The following DNAH2 variants were observed in gnomAD, a reference collection of about 807,000 sequenced individuals.
DNAH2 encodes axonemal beta dynein heavy chain 2.
A neutral mutation model predicts 523.5 loss-of-function variants in DNAH2; 323 were observed. That is an observed-to-expected ratio of 0.62 (90% CI 0.56 to 0.68). The LOEUF (loss-of-function observed/expected upper bound fraction) is 0.68. Among genes scored for constraint, DNAH2 ranks in the 30% least tolerant of loss-of-function variants. The pLI is 0.00. For synonymous variants in DNAH2, 2,093 were observed against 2,177.4 expected, an observed-to-expected ratio of 0.96 and a Z score of 1.08; for missense variants, 4,907 against 5,701.5, an observed-to-expected ratio of 0.86 and a Z score of 4.49.
chr17:7,815,335 C>T (rs565074907), intron 63 of DNAH2, among the ~76,000 whole-genome samples: 3 of 152,244 alleles, frequency 2.0e-5, no homozygotes, highest in Admixed American at 1.3e-4. Context: ...ACTATTTCCA[C>T]GATGTGGGCT....
chr17:7,798,484 A>G lies in DNAH2; in HGVS notation c.8399-74A>G. On this transcript the variant is annotated intron_variant, in intron 54 of 85. Transcript: ENST00000572933. The surrounding 1 kb of genome is among the most constrained non-coding windows in gnomAD (Gnocchi z 5.5). ...ATGCTGCGGGGCGGGGAGGGTTCCT[A>G]AATCTCAGAAAAGGAATCAAGCCCA... 6.3e-7 allele frequency: 1 copy of G among 1,586,746 alleles called. No homozygotes were observed. Among genetic ancestry groups the G allele is most frequent in the East Asian group, 2.2e-5 (1 of 44,582 alleles).
At chr17:7,744,803 T>C (rs2075467108) in intron 12 of DNAH2, among the ~76,000 whole-genome samples, 1 of 152,090 alleles carries the variant, frequency 6.6e-6, no homozygotes, top group Non-Finnish European at 1.5e-5. Flanking sequence ...ATAATGGGGT[T>C]GAACCTGCAA....
Position 7,780,327 on chromosome 17 carries a change from T to C in DNAH2, c.5850+43T>C, listed in dbSNP as rs374879388. The C allele has an allele frequency of 1.2e-6, 2 of 1,613,234 alleles. No homozygotes were observed. The highest frequency in any genetic ancestry group is 2.7e-5 in the African/African-American group (2 of 74,856). On this transcript the variant is annotated intron_variant, in intron 37 of 85. Transcript: ENST00000572933. The surrounding 1 kb of genome is among the most constrained non-coding windows in gnomAD (Gnocchi z 4.4). ...TTTCTCCAGTGATTTTAATTTCCTT[T>C]CATAATTATTCCCTGGACAGAGGAG...
chr17:7,833,363 C>G lies in DNAH2; in HGVS notation c.13130-16C>G. The G allele has an allele frequency of 4.3e-6, 7 of 1,613,278 alleles. No homozygotes were observed. The South Asian group carries it at 6.6e-5, about 15-fold the overall frequency. On this transcript the variant is annotated splice_polypyrimidine_tract_variant and intron_variant, in intron 85 of 85. Coordinates refer to ENST00000572933, the MANE Select transcript of DNAH2 (RefSeq NM_020877.5). ...GGAGGCTCCAGGGGTCTGACTTCTC[C>G]TCTCCTTTCCCCCAGGCATGTACTC... is the stretch of plus-strand genomic sequence containing the variant.
chr17:7,806,453 C>T (rs185875284), intron 61 of DNAH2, among the ~76,000 whole-genome samples: 2 of 151,718 alleles, frequency 1.3e-5, no homozygotes, highest in South Asian at 2.1e-4. Flanking sequence ...GTCAGGAGAT[C>T]GAGACCATCC....
intron 3 of DNAH2, among the ~76,000 whole-genome samples, chr17:7,726,900 ATCTG>A (rs2074830015): frequency 6.6e-6 from 1 of 151,962 alleles, no homozygotes; most frequent in African/African-American, 2.4e-5. Flanking sequence ...TTCCTCTGTG[ATCTG>A]TTTGTTTGTT....
rs1391464572 is a variant in DNAH2 at position 7,739,870 on chromosome 17, C to A, written c.1308C>A (p.His436Gln). 6.2e-7 allele frequency: 1 copy of A among 1,614,050 alleles called. No homozygotes were observed. The highest frequency in any genetic ancestry group is 2.2e-5 in the East Asian group (1 of 44,882). ...EIEDIFHKNL[H>Q]TLRAVRGGIL... ...AGGACATCTTTCATAAAAATCTGCACACGCTGCGAGCCGTTCGCGGGGGTA... is the reference window on the plus strand; with the variant it reads ...AGGACATCTTTCATAAAAATCTGCAAACGCTGCGAGCCGTTCGCGGGGGTA... The change falls in exon 9 of 86, where the codon CAC (histidine) becomes CAA (glutamine). Residue 436 changes from histidine to glutamine, a missense_variant. Around this residue, in one of 3 missense-constraint regions of DNAH2, gnomAD observed 2,806 missense variants for 3,190.8 expected, o/e 0.88. Transcript: ENST00000572933.
chr17:7,786,825 C>G lies in DNAH2; in HGVS notation c.6467-72C>G. 1 of 1,608,378 alleles carries G rather than the reference C, an allele frequency of 6.2e-7. No individual in the cohort carries two copies. Among genetic ancestry groups the G allele is most frequent in the Non-Finnish European group, 8.5e-7 (1 of 1,175,964 alleles). ...AGTACAAGGGAGTGTAGGCTTGTGT[C>G]TCCGAGGAGCGTGAGCGGAGGGTGC... On this transcript the variant is annotated intron_variant, in intron 41 of 85. Transcript: ENST00000572933. This position sits in a 1 kb window ranked among gnomAD's most constrained non-coding sequence, Gnocchi z 7.5.
At chr17:7,825,568 T>G (rs1002776165) in intron 77 of DNAH2, among the ~76,000 whole-genome samples, 1 of 152,240 alleles carries the variant, frequency 6.6e-6, no homozygotes, top group South Asian at 2.1e-4. Context: ...CTTCGGTGTT[T>G]CTTTTTCCTC....
intron 56 of DNAH2, among the ~76,000 whole-genome samples, chr17:7,800,778 A>G (rs1419398022): frequency 6.7e-6 from 1 of 149,640 alleles, no homozygotes; most frequent in Non-Finnish European, 1.5e-5. Context: ...GAGGCAGGAG[A>G]ATGGCGTGAA....
At chr17:7,741,812 C>T (rs753931889) in intron 11 of DNAH2, among the ~76,000 whole-genome samples, 13 of 151,488 alleles carry the variant, frequency 8.6e-5, no homozygotes, top group Non-Finnish European at 1.5e-4. Flanking sequence ...TACAGGCATG[C>T]ACCACCACGC....
rs1405285605 is a variant in DNAH2, at chr17:7,760,295, A to G, written c.2785+357A>G. Among the ~76,000 whole-genome samples, 2 of 151,030 alleles carry G rather than the reference A, an allele frequency of 1.3e-5. No individual in the cohort carries two copies. The highest frequency in any genetic ancestry group is 2.4e-5 in the African/African-American group (1 of 41,032). On this transcript the variant is annotated intron_variant, in intron 17 of 85. Transcript: ENST00000572933. This position sits in a 1 kb window ranked among gnomAD's most constrained non-coding sequence, Gnocchi z 4.0. ...AGGCAAAGAATCACCCCGGAGGCGG[A>G]GGTTGCAGTGAGCGGAGATCATGCC...
intron 59 of DNAH2, 134 bp downstream of exon 59, chr17:7,804,600 C>T (rs1406559151): frequency 1.9e-6 from 2 of 1,038,550 alleles, no homozygotes; most frequent in Admixed American, 2.4e-5. Flanking sequence ...AATCCCAGCA[C>T]TTTGGGAGGC....
intron 4 of DNAH2, 55 bp from the exon 5 acceptor site, chr17:7,733,032 T>A: frequency 6.3e-7 from 1 of 1,579,490 alleles, no homozygotes; most frequent in African/African-American, 1.3e-5. Context: ...CTTTTGTGAC[T>A]GGGTGTCATG....
In DNAH2 at chr17:7,831,468, C is replaced by T; in HGVS notation, c.12538C>T (p.Leu4180Phe). 6.2e-7 allele frequency: 1 copy of T among 1,614,190 alleles called. No individual in the cohort carries two copies. The highest frequency in any genetic ancestry group is 1.1e-5 in the South Asian group (1 of 91,082). Residue 4180 changes from leucine to phenylalanine, a missense_variant, in exon 81 of 86, where the codon CTC becomes TTC. Transcript: ENST00000572933. This position sits in a 1 kb window ranked among gnomAD's most constrained non-coding sequence, Gnocchi z 4.2. ...TGAGGGGACTCAAAAACTGCTAGCT[C>T]TCGACCCCTCCCCCCTCAATGTGGT... ...DYEGTQKLLA[L>F]DPSPLNVVLL...
chr17:7,805,831 G>A (rs2077352940), intron 61 of DNAH2, among the ~76,000 whole-genome samples: 1 of 152,058 alleles, frequency 6.6e-6, no homozygotes, highest in South Asian at 2.1e-4. Flanking sequence ...TCCAGCCTGG[G>A]AGACAGAGCC....
chr17:7,813,172 A>G (rs773184019), intron 63 of DNAH2, among the ~76,000 whole-genome samples: 2 of 152,172 alleles, frequency 1.3e-5, no homozygotes, highest in African/African-American at 4.8e-5. Context: ...AAATTCACAA[A>G]GTAAAATTTA....
At chr17:7,758,679 G>T in intron 14 of DNAH2, 28 bp downstream of exon 14, 1 of 1,599,664 alleles carries the variant, frequency 6.3e-7, no homozygotes, top group Non-Finnish European at 8.5e-7. Context: ...GACCCTAAAG[G>T]TCTGCAAGGC....
rs960432404 is a variant in DNAH2 at position 7,807,347 on chromosome 17, G to A, written c.9612+28G>A. ...AAAGGCGTCAGGGCTGGGGCGGGGC[G>A]GTAGGGAGGGCAGGCCTGGGGGAGT... On this transcript the variant is annotated intron_variant, in intron 62 of 85. Transcript: ENST00000572933. This position sits in a 1 kb window ranked among gnomAD's most constrained non-coding sequence, Gnocchi z 5.6. 10 of 1,605,826 alleles carry A rather than the reference G, an allele frequency of 6.2e-6. No individual in the cohort carries two copies. The highest frequency in any genetic ancestry group is 1.8e-4 in the Middle Eastern group (1 of 5,544).
Sources: allele counts gnomAD v4.1 joint callset (sites outside exome capture counted in the v4.1 genomes callset), GRCh38; gene constraint gnomAD v4.1.1; regional missense constraint gnomAD v4.1.1; non-coding constraint Gnocchi (gnomAD v3.1); transcripts MANE v1.5; gene names NCBI Gene and HGNC (gene_info 2026-07-23, HGNC 2026-07-21).